Variants in BCL2 observed in about 807,000 individuals in gnomAD.
BCL2 encodes apoptosis regulator Bcl-2.
A neutral mutation model predicts 14.2 loss-of-function variants in BCL2; 1 was observed. That is an observed-to-expected ratio of 0.07 (90% CI 0.02 to 0.33). The LOEUF is 0.33. Ranked by LOEUF, BCL2 falls within the 10% of genes least tolerant of loss-of-function variation. BCL2 has a pLI of 0.99. For missense variants in BCL2, 247 were observed against 305.9 expected, an observed-to-expected ratio of 0.81 and a Z score of 1.44; for synonymous variants, 151 against 137.2, an observed-to-expected ratio of 1.10 and a Z score of -0.70.
intron 2 of BCL2, among the ~76,000 whole-genome samples, chr18:63,275,776 G>A (rs773371965): frequency 2.4e-4 from 36 of 152,244 alleles, no homozygotes; most frequent in Non-Finnish European, 4.6e-4. Flanking sequence ...AAACCCTGGC[G>A]CAGACTGCAG....
chr18:63,157,848 C>T (rs985121157), intron 2 of BCL2, among the ~76,000 whole-genome samples: 3 of 152,170 alleles, frequency 2.0e-5, no homozygotes, highest in Non-Finnish European at 4.4e-5. Context: ...AAACAAATAC[C>T]GCTCAGCACC....
intron 2 of BCL2, among the ~76,000 whole-genome samples, chr18:63,296,975 G>T (rs1381283967): frequency 2.0e-5 from 3 of 152,212 alleles, no homozygotes; most frequent in Non-Finnish European, 4.4e-5. Context: ...CACTTTGGGA[G>T]GCCGAGGCGG....
At chr18:63,227,396 A>T (rs191378083) in intron 2 of BCL2, among the ~76,000 whole-genome samples, 1 of 152,292 alleles carries the variant, frequency 6.6e-6, no homozygotes, top group East Asian at 1.9e-4. Context: ...TTTGGTAGAG[A>T]CGTGGTTTCA....
chr18:63,213,997 G>A (rs1394465001), intron 2 of BCL2, among the ~76,000 whole-genome samples: 1 of 152,196 alleles, frequency 6.6e-6, no homozygotes, highest in African/African-American at 2.4e-5. Context: ...GGGATGAACA[G>A]AGCTAAGATG....
chr18:63,226,924 TAGAG>T (rs1910565718), intron 2 of BCL2, among the ~76,000 whole-genome samples: 2 of 152,012 alleles, frequency 1.3e-5, no homozygotes, highest in Admixed American at 1.3e-4. Context: ...GATAGATAAA[TAGAG>T]GACTGAGGAG....
intron 2 of BCL2, among the ~76,000 whole-genome samples, chr18:63,250,939 G>A (rs1360299096): frequency 6.6e-6 from 1 of 152,142 alleles, no homozygotes; most frequent in Admixed American, 6.5e-5. Context: ...TTGGTGGGTG[G>A]GGACATTTTT....
intron 2 of BCL2, among the ~76,000 whole-genome samples, chr18:63,310,354 G>A (rs1913273050): frequency 6.6e-6 from 1 of 152,072 alleles, no homozygotes; most frequent in African/African-American, 2.4e-5. Flanking sequence ...CACACCTCCC[G>A]CATTCATGCC....
intron 2 of BCL2, among the ~76,000 whole-genome samples, chr18:63,222,288 A>G (rs1363373743): frequency 1.3e-5 from 2 of 150,100 alleles, no homozygotes; most frequent in East Asian, 1.9e-4. Flanking sequence ...AAAAAAAAAA[A>G]GAAAAAGAAA....
chr18:63,297,475 C>T (rs1912831611), intron 2 of BCL2, among the ~76,000 whole-genome samples: 1 of 152,224 alleles, frequency 6.6e-6, no homozygotes, highest in Admixed American at 6.5e-5. Context: ...CTGGTAGCCA[C>T]AGCCACGGCA....
At chr18:63,195,279 T>C (rs989016684) in intron 2 of BCL2, among the ~76,000 whole-genome samples, 1 of 152,210 alleles carries the variant, frequency 6.6e-6, no homozygotes, top group Non-Finnish European at 1.5e-5. Context: ...GCCGCTTTCA[T>C]CTCTATCTCC....
At chr18:63,215,408 C>T (rs532522431) in intron 2 of BCL2, among the ~76,000 whole-genome samples, 14 of 152,000 alleles carry the variant, frequency 9.2e-5, no homozygotes, top group African/African-American at 2.7e-4. Context: ...AGGAATAGTA[C>T]GCAGTCATGA....
intron 2 of BCL2, among the ~76,000 whole-genome samples, chr18:63,308,284 T>A (rs1599304549): frequency 6.6e-6 from 1 of 152,228 alleles, no homozygotes; most frequent in African/African-American, 2.4e-5. Flanking sequence ...AACGAGGGGA[T>A]CATTTATCCT....
intron 2 of BCL2, among the ~76,000 whole-genome samples, chr18:63,253,156 G>A (rs552346672): frequency 3.9e-5 from 6 of 152,150 alleles, no homozygotes; most frequent in African/African-American, 1.2e-4. Flanking sequence ...ACTCATAAAC[G>A]CATTTAAAGC....
chr18:63,297,428 A>G (rs1160282775), intron 2 of BCL2, among the ~76,000 whole-genome samples: 2 of 152,210 alleles, frequency 1.3e-5, no homozygotes, highest in Non-Finnish European at 2.9e-5. Context: ...TTACACTCCA[A>G]TCGCATCTCA....
rs1471673676 is a variant in BCL2, at chr18:63,123,876, C to G, written c.*4749G>C. On this transcript the variant is annotated 3_prime_UTR_variant, in exon 3 of 3. Transcript: ENST00000333681. Reference sequence around the variant, plus strand: ...CAAAAGGTTTAGGTGCATGGATTTACTCAGTATCTACACTACAGTCTTATT... The same window carrying G: ...CAAAAGGTTTAGGTGCATGGATTTAGTCAGTATCTACACTACAGTCTTATT... The G allele has an allele frequency of 4.6e-6, 1 of 218,490 alleles. No homozygotes were observed. Among genetic ancestry groups the G allele is most frequent in the Non-Finnish European group, 9.2e-6 (1 of 108,868 alleles). 13.5% of individuals were successfully genotyped at this position (218,490 alleles called of 1,614,324 possible).
intron 2 of BCL2, among the ~76,000 whole-genome samples, chr18:63,182,842 G>C (rs993092436): frequency 6.6e-6 from 1 of 151,934 alleles, no homozygotes; most frequent in African/African-American, 2.4e-5. Flanking sequence ...CCTACCTGGG[G>C]TATTTGCCTG....
chr18:63,234,522 T>A (rs1168169229), intron 2 of BCL2, among the ~76,000 whole-genome samples: 1 of 152,164 alleles, frequency 6.6e-6, no homozygotes, highest in Non-Finnish European at 1.5e-5. Context: ...AATCTAGGTA[T>A]ACAGTTGTGT....
At chr18:63,199,762 C>T (rs1389609945) in intron 2 of BCL2, among the ~76,000 whole-genome samples, 2 of 152,184 alleles carry the variant, frequency 1.3e-5, no homozygotes, top group African/African-American at 4.8e-5. Flanking sequence ...GACATAAACA[C>T]ACAGACGCAC....
intron 2 of BCL2, among the ~76,000 whole-genome samples, chr18:63,142,345 A>G (rs1186591698): frequency 6.6e-6 from 1 of 152,244 alleles, no homozygotes; most frequent in African/African-American, 2.4e-5. Flanking sequence ...GGGACTGGTT[A>G]AGAAATCAGC....
Sources: gnomAD v4.1 joint callset for allele counts (sites outside exome capture counted in the v4.1 genomes callset) on GRCh38, gnomAD v4.1.1 for gene constraint, MANE v1.5 for transcripts, NCBI Gene and HGNC (gene_info 2026-07-23, HGNC 2026-07-21) for gene names.